The following ASIP variants were observed in gnomAD, a reference collection of about 807,000 sequenced individuals.
ASIP encodes the protein agouti-signaling protein.
Under a neutral mutation model 10.3 loss-of-function variants are expected in ASIP, and 11 were observed. The observed-to-expected ratio is 1.07, with a 90% CI of 0.68 to 1.78. The LOEUF (loss-of-function observed/expected upper bound fraction) is 1.78. Among genes scored for constraint, ASIP ranks in the 40% most tolerant of loss-of-function variants. The pLI, the probability that ASIP is intolerant of heterozygous loss-of-function variation, is 0.00. For synonymous variants in ASIP, 70 were observed against 70.8 expected (o/e 0.99, Z 0.06); for missense variants, 180 against 169.2 (o/e 1.06, Z -0.35).
intron 1 of ASIP, among the ~76,000 whole-genome samples, chr20:34,244,339 G>A (rs1435815774): frequency 6.6e-6 from 1 of 152,134 alleles, no homozygotes; most frequent in African/African-American, 2.4e-5. Context: ...TTGAGCATGG[G>A]TGTACAGTAT....
chr20:34,235,864 GGAAAGGAA>G (rs1386521436), intron 1 of ASIP, among the ~76,000 whole-genome samples: 9 of 37,216 alleles, frequency 2.4e-4, no homozygotes, highest in African/African-American at 1.8e-3. Context: ...AAGGAAGGAA[GGAAAGGAA>G]GGAAGGAAGG....
chr20:34,222,718 C>A (rs1390714204), intron 1 of ASIP, among the ~76,000 whole-genome samples: 2 of 151,500 alleles, frequency 1.3e-5, no homozygotes, highest in Admixed American at 6.6e-5. Flanking sequence ...GCTGCCATCT[C>A]GGCTCACTGC....
At chr20:34,235,838 A>G (rs2035181230) in intron 1 of ASIP, among the ~76,000 whole-genome samples, 1 of 64,032 alleles carries the variant, frequency 1.6e-5, no homozygotes, top group African/African-American at 1.8e-4. Context: ...AGAAAGAAAG[A>G]AAGAAGGAAG....
intron 1 of ASIP, among the ~76,000 whole-genome samples, chr20:34,255,869 C>T (rs2035559145): frequency 1.3e-5 from 2 of 152,184 alleles, no homozygotes; most frequent in South Asian, 4.1e-4. Context: ...GCACCGGTTA[C>T]TTAGCAGACC....
upstream of ASIP, among the ~76,000 whole-genome samples, chr20:34,237,529 T>C (rs2035226583): frequency 1.3e-5 from 2 of 152,240 alleles, no homozygotes; most frequent in Admixed American, 1.3e-4. Flanking sequence ...TAAACTGATT[T>C]ATTAGTTCTA....
At chr20:34,245,408 A>G (rs2035356439) in intron 1 of ASIP, among the ~76,000 whole-genome samples, 1 of 150,176 alleles carries the variant, frequency 6.7e-6, no homozygotes, top group Non-Finnish European at 1.5e-5. Context: ...TTATTTTTTT[A>G]GACAGAGTCT....
chr20:34,267,910 T>A lies in ASIP; in HGVS notation c.223-1081T>A, dbSNP rs554272836. On this transcript the variant is annotated intron_variant, in intron 3 of 3. Transcript: ENST00000374954. ...CCTAGTGTATTCAAAATGTTAACAT[T>A]TCAATATGTGATTAATTTAAAAAGT... Among the ~76,000 whole-genome samples the A allele has an allele frequency of 4.2e-4, 64 of 152,068 alleles. No individual in the cohort carries two copies. In the South Asian group the frequency reaches 6.2e-3, roughly 15 times the overall value.
At chr20:34,258,828 AG>A (rs1160760524) in intron 1 of ASIP, among the ~76,000 whole-genome samples, 2 of 122,126 alleles carry the variant, frequency 1.6e-5, no homozygotes, top group Admixed American at 1.1e-4. Flanking sequence ...TACTATATAT[AG>A]TATTATATAT....
At position 34,235,840 on chromosome 20, in the gene ASIP, A is replaced by AAG. The variant is rs2035181862; in HGVS notation, c.-10-24525_-10-24524insAG. On this transcript the variant is annotated intron_variant, in intron 1 of 3. Transcript: ENST00000568305. ...AAGAAAGAAAGAAAGAAAGAAAGAA[A>AAG]GAAGGAAGGAAGGAAGGAAGGAAGG... 9.3e-5 allele frequency among the ~76,000 whole-genome samples: 5 copies of AAG among 53,786 alleles called. No individual in the cohort carries two copies. In the African/African-American group the frequency reaches 9.6e-4, roughly 10 times the overall value. The allele number at this position is 53,786 out of a possible 152,430, so 35.3% of individuals were successfully genotyped here. A position where few individuals can be genotyped will look rare whatever the true frequency, so the allele number is the denominator to read the frequency against.
intron 1 of ASIP, chr20:34,213,666 A>G: frequency 1.9e-6 from 3 of 1,553,830 alleles, no homozygotes; most frequent in Admixed American, 1.7e-5. Flanking sequence ...TTGCTTCACA[A>G]TCTTTGAGTA....
At chr20:34,217,279 A>C (rs1039508927) in intron 1 of ASIP, among the ~76,000 whole-genome samples, 15 of 151,946 alleles carry the variant, frequency 9.9e-5, no homozygotes, top group African/African-American at 3.6e-4. Flanking sequence ...CTCTACAAAA[A>C]GTACAAAAAT....
intron 1 of ASIP, 41 bp from the exon 2 acceptor site, chr20:34,260,324 C>T (rs990861049): frequency 6.3e-7 from 1 of 1,585,220 alleles, no homozygotes. Context: ...TTACCATTAC[C>T]CCTGACCCAC....
chr20:34,209,370 C>T (rs777338400), intron 1 of ASIP, among the ~76,000 whole-genome samples: 2 of 152,202 alleles, frequency 1.3e-5, no homozygotes, highest in Non-Finnish European at 2.9e-5. Context: ...TACAGCTGCC[C>T]AAGTTGTGGC....
intron 1 of ASIP, among the ~76,000 whole-genome samples, chr20:34,251,307 G>A (rs573206744): frequency 2.7e-4 from 40 of 150,328 alleles, no homozygotes; most frequent in African/African-American, 8.3e-4. Context: ...GTCTCGCTCC[G>A]TCGCCCAGGC....
At chr20:34,243,373 C>T (rs1302530674) in intron 1 of ASIP, among the ~76,000 whole-genome samples, 3 of 152,106 alleles carry the variant, frequency 2.0e-5, no homozygotes, top group Admixed American at 6.5e-5. Context: ...TTAGACTAGC[C>T]AATTCAGTCA....
At chr20:34,208,995 C>A (rs761006374) in intron 1 of ASIP, among the ~76,000 whole-genome samples, 14 of 152,212 alleles carry the variant, frequency 9.2e-5, no homozygotes, top group Non-Finnish European at 1.3e-4. Context: ...TTATCAGTTC[C>A]AATAGGGTTT....
chr20:34,230,764 C>G (rs1405166363), intron 1 of ASIP, among the ~76,000 whole-genome samples: 4 of 41,704 alleles, frequency 9.6e-5, no homozygotes, highest in African/African-American at 2.0e-4. Flanking sequence ...CTGGCCTGGC[C>G]GGGGCTGACC....
chr20:34,240,026 A>G (rs570097764), upstream of ASIP, among the ~76,000 whole-genome samples: 100 of 152,324 alleles, frequency 6.6e-4, no homozygotes, highest in African/African-American at 2.3e-3. Context: ...AGGCATACAC[A>G]CTAACCAGGT....
At chr20:34,268,475 C>T (rs2035826801) in intron 3 of ASIP, among the ~76,000 whole-genome samples, 1 of 152,150 alleles carries the variant, frequency 6.6e-6, no homozygotes, top group Admixed American at 6.5e-5. Context: ...GTAAACCCAG[C>T]ACTTTGGGAG....
Sources: gnomAD v4.1 joint callset for allele counts (sites outside exome capture counted in the v4.1 genomes callset) on GRCh38, gnomAD v4.1.1 for gene constraint, MANE v1.5 for transcripts, NCBI Gene and HGNC (gene_info 2026-07-23, HGNC 2026-07-21) for gene names.